Variants in BCKDHB observed in about 807,000 individuals in gnomAD.
BCKDHB encodes the protein branched chain keto acid dehydrogenase E1 subunit beta.
A neutral mutation model predicts 48.5 loss-of-function variants in BCKDHB; 41 were observed. The observed-to-expected ratio is 0.85, with a 90% CI of 0.66 to 1.10. The LOEUF is 1.10. BCKDHB is among the 50% of genes least tolerant of loss of function. The pLI is 0.00. For missense variants in BCKDHB, 496 were observed against 494.2 expected (o/e 1.00, Z -0.03); for synonymous variants, 201 against 174.8 (o/e 1.15, Z -1.18).
At chr6:80,249,815 C>T (rs889961219) in intron 8 of BCKDHB, among the ~76,000 whole-genome samples, 1 of 152,094 alleles carries the variant, frequency 6.6e-6, no homozygotes, top group Non-Finnish European at 1.5e-5. Context: ...AATTACCTGC[C>T]ATGGAAGCTA....
At chr6:80,125,287 G>A (rs1020088506) in intron 1 of BCKDHB, among the ~76,000 whole-genome samples, 8 of 152,178 alleles carry the variant, frequency 5.3e-5, no homozygotes, top group African/African-American at 1.9e-4. Context: ...ATTGAAAAGA[G>A]TTAGGAACTT....
chr6:80,332,901 T>C (rs1459510251), intron 9 of BCKDHB, among the ~76,000 whole-genome samples: 1 of 143,624 alleles, frequency 7.0e-6, no homozygotes. Flanking sequence ...TCTTACTTGC[T>C]CATCTTCCCA....
At position 80,343,956 on chromosome 6, in the gene BCKDHB, G is replaced by T. The variant is rs868208128; in HGVS notation, c.*152G>T. The T allele has an allele frequency of 5.2e-5, 51 of 972,924 alleles. No homozygotes were observed. In the African/African-American group the frequency reaches 8.1e-4, roughly 16 times the overall value. 60.3% of individuals were successfully genotyped at this position (972,924 alleles called of 1,614,324 possible). A position where few individuals can be genotyped will look rare whatever the true frequency, so the allele number is the denominator to read the frequency against. On this transcript the variant is annotated 3_prime_UTR_variant, in exon 10 of 10. Transcript: ENST00000320393. ...GGCAACTTTCAGAAGAAAATAATGTGCTTTAGAAAAAAAATTCAAATTTAT... is the reference window on the plus strand; with the variant it reads ...GGCAACTTTCAGAAGAAAATAATGTTCTTTAGAAAAAAAATTCAAATTTAT...
intron 9 of BCKDHB, among the ~76,000 whole-genome samples, chr6:80,323,910 C>T (rs1768881604): frequency 6.6e-6 from 1 of 151,904 alleles, no homozygotes; most frequent in Non-Finnish European, 1.5e-5. Flanking sequence ...GTAGCTGGGA[C>T]TACAGGCGCC....
the BCKDHB span, chr6:80,374,369 A>G: frequency 2.4e-6 from 2 of 822,992 alleles, no homozygotes; most frequent in Non-Finnish European, 4.3e-6. Flanking sequence ...CACACCTGCC[A>G]ACTCCACCAT....
intron 9 of BCKDHB, among the ~76,000 whole-genome samples, chr6:80,332,133 T>C (rs1290672057): frequency 6.6e-6 from 1 of 152,148 alleles, no homozygotes; most frequent in Non-Finnish European, 1.5e-5. Flanking sequence ...CATGTGCCCA[T>C]GTCTGCTTGA....
intron 3 of BCKDHB, among the ~76,000 whole-genome samples, chr6:80,143,258 A>G (rs1418866362): frequency 6.6e-6 from 1 of 152,146 alleles, no homozygotes; most frequent in African/African-American, 2.4e-5. Context: ...TGATATTGTC[A>G]CTTACCTGAA....
At chr6:80,371,272 G>A in the BCKDHB span, among the ~76,000 whole-genome samples, 4 of 152,076 alleles carry the variant, frequency 2.6e-5, no homozygotes, top group Non-Finnish European at 4.4e-5. Context: ...ATGTTTGTTG[G>A]TCATGTGTAT....
chr6:80,414,863 GA>G, the BCKDHB span, among the ~76,000 whole-genome samples: 1 of 152,088 alleles, frequency 6.6e-6, no homozygotes, highest in African/African-American at 2.4e-5. Context: ...ACATTACAAG[GA>G]TATTGAATCT....
At chr6:80,239,140 G>A (rs1776272045) in intron 8 of BCKDHB, among the ~76,000 whole-genome samples, 1 of 152,096 alleles carries the variant, frequency 6.6e-6, no homozygotes, top group Non-Finnish European at 1.5e-5. Flanking sequence ...TAGGTCAGAT[G>A]GTATTTCTAG....
intron 1 of BCKDHB, among the ~76,000 whole-genome samples, chr6:80,124,464 CGTT>C (rs201538166): frequency 0.019 from 2,834 of 152,176 alleles, 81 homozygotes; most frequent in African/African-American, 0.065. Context: ...CCTTGTTTCT[CGTT>C]GTTCTGTCTA....
chr6:80,398,160 A>G, the BCKDHB span, among the ~76,000 whole-genome samples: 1 of 146,484 alleles, frequency 6.8e-6, no homozygotes, highest in African/African-American at 2.8e-5. Flanking sequence ...TAACATCACA[A>G]CTAAAAAAAA....
At chr6:80,281,713 AGCCT>A (rs1303077161) in intron 9 of BCKDHB, among the ~76,000 whole-genome samples, 4 of 152,170 alleles carry the variant, frequency 2.6e-5, no homozygotes, top group Non-Finnish European at 5.9e-5. Flanking sequence ...CCTCCCTGGC[AGCCT>A]GCCTGTCTTC....
intron 3 of BCKDHB, among the ~76,000 whole-genome samples, chr6:80,141,718 A>G (rs114040734): frequency 0.013 from 1,905 of 152,272 alleles, 36 homozygotes; most frequent in African/African-American, 0.044. Context: ...TGATTCATGT[A>G]TCTTTTAAGC....
chr6:80,450,444 C>A, the BCKDHB span, among the ~76,000 whole-genome samples: 1 of 152,134 alleles, frequency 6.6e-6, no homozygotes, highest in Admixed American at 6.6e-5. Flanking sequence ...CCACCAGACC[C>A]CAGATTATAT....
chr6:80,211,717 A>G (rs1774942055), intron 8 of BCKDHB, among the ~76,000 whole-genome samples: 2 of 152,134 alleles, frequency 1.3e-5, no homozygotes, highest in South Asian at 2.1e-4. Flanking sequence ...TATCAGGGGA[A>G]CCTGCCCCCA....
intron 8 of BCKDHB, among the ~76,000 whole-genome samples, chr6:80,203,850 T>G (rs1354742482): frequency 6.6e-6 from 1 of 152,068 alleles, no homozygotes; most frequent in African/African-American, 2.4e-5. Flanking sequence ...CCTCTTTATA[T>G]CCAGTATCTT....
At chr6:80,440,207 C>G in the BCKDHB span, among the ~76,000 whole-genome samples, 2 of 152,112 alleles carry the variant, frequency 1.3e-5, no homozygotes, top group South Asian at 4.1e-4. Context: ...AGCCTGTGGC[C>G]TGCTTCATTC....
chr6:80,407,873 T>C, the BCKDHB span, among the ~76,000 whole-genome samples: 4 of 152,132 alleles, frequency 2.6e-5, no homozygotes, highest in Admixed American at 2.6e-4. Flanking sequence ...TTGCCCTGGC[T>C]GGAACTTCCA....
Sources: gnomAD v4.1 joint callset for allele counts (sites outside exome capture counted in the v4.1 genomes callset) on GRCh38, gnomAD v4.1.1 for gene constraint, MANE v1.5 for transcripts, NCBI Gene and HGNC (gene_info 2026-07-23, HGNC 2026-07-21) for gene names.